Variants in MAN1A2 observed in about 807,000 individuals in gnomAD.
MAN1A2 encodes mannosidase alpha class 1A member 2.
MAN1A2 carries 26 observed loss-of-function variants against 75.7 expected under a neutral mutation model. The ratio of observed to expected loss-of-function variants is 0.34; its 90% CI spans 0.25 to 0.48. The LOEUF is 0.48. Ranked by LOEUF, MAN1A2 falls within the 20% of genes least tolerant of loss-of-function variation. The pLI is 0.99. For missense variants in MAN1A2, 562 were observed against 775.5 expected, an observed-to-expected ratio of 0.72 and a Z score of 3.27; for synonymous variants, 247 against 264.6, an observed-to-expected ratio of 0.93 and a Z score of 0.65.
chr1:117,457,792 C>T (rs1434039295), intron 6 of MAN1A2, among the ~76,000 whole-genome samples: 3 of 152,098 alleles, frequency 2.0e-5, no homozygotes, highest in African/African-American at 7.2e-5. Flanking sequence ...TTCCATCACA[C>T]TTAAAGACTA....
At chr1:117,417,733 C>CT (rs1298064055) in intron 4 of MAN1A2, among the ~76,000 whole-genome samples, 1 of 149,718 alleles carries the variant, frequency 6.7e-6, no homozygotes, top group African/African-American at 2.5e-5. Flanking sequence ...CTCTCTCTCT[C>CT]ATCAAAGTAT....
rs34355735 is a variant in MAN1A2 at position 117,466,336 on chromosome 1, T to G, written c.1077T>G (p.Val359=). 2,626 of 1,595,296 alleles carry G rather than the reference T, an allele frequency of 1.6e-3. 34 individuals carry two copies. In the African/African-American group the frequency reaches 0.024, roughly 15 times the overall value. The change falls in exon 8 of 13, where the codon GTT becomes GTG. Residue 359 remains valine, a splice_region_variant and synonymous_variant. Coordinates refer to ENST00000356554, the MANE Select transcript of MAN1A2 (RefSeq NM_006699.5). Reference sequence around the variant, plus strand: ...ATTCTTAATTTTATTTTACTCAGGTTATGCACATTCGGAAACTACTTCAGA... The same window carrying G: ...ATTCTTAATTTTATTTTACTCAGGTGATGCACATTCGGAAACTACTTCAGA... The part of the protein sequence containing the change: ...LTGDLTYYKK[V]MHIRKLLQKM...
intron 12 of MAN1A2, 84 bp downstream of exon 12, chr1:117,503,054 C>A: frequency 1.6e-6 from 1 of 643,460 alleles, no homozygotes; most frequent in Non-Finnish European, 2.6e-6. Context: ...AACTATGTGA[C>A]AGGTTACACT....
At chr1:117,466,676 G>A (rs999444403) in intron 8 of MAN1A2, among the ~76,000 whole-genome samples, 15 of 152,042 alleles carry the variant, frequency 9.9e-5, no homozygotes, top group Admixed American at 5.2e-4. Flanking sequence ...ATATAGTGTG[G>A]CAGTTTGAAG....
Position 117,381,552 on chromosome 1 carries a change from A to G in MAN1A2, c.302+13067A>G, listed in dbSNP as rs372242615. ...ATGGCTGCATAGTATTCCATGGTGTATATGTGCCACATTTTCTTAATCCAG... is the reference window on the plus strand; with the variant it reads ...ATGGCTGCATAGTATTCCATGGTGTGTATGTGCCACATTTTCTTAATCCAG... On this transcript the variant is annotated intron_variant, in intron 1 of 12. Transcript: ENST00000356554. Among the ~76,000 whole-genome samples the G allele has an allele frequency of 3.4e-4, 51 of 152,194 alleles. 1 individual carries two copies. The South Asian group carries it at 8.9e-3, about 27-fold the overall frequency.
intron 1 of MAN1A2, among the ~76,000 whole-genome samples, chr1:117,376,075 C>CTATTTTTTG (rs1653128749): frequency 6.6e-6 from 1 of 152,062 alleles, no homozygotes. Context: ...CCACGCCCGG[C>CTATTTTTTG]TATTTTTTGT....
At chr1:117,394,433 G>A (rs989092033) in intron 1 of MAN1A2, among the ~76,000 whole-genome samples, 7 of 152,170 alleles carry the variant, frequency 4.6e-5, no homozygotes, top group African/African-American at 1.4e-4. Context: ...CAATCAAATT[G>A]AAGCCGTGAT....
chr1:117,442,592 C>T (rs1163612183), intron 6 of MAN1A2, among the ~76,000 whole-genome samples: 1 of 152,078 alleles, frequency 6.6e-6, no homozygotes, highest in Non-Finnish European at 1.5e-5. Flanking sequence ...ATTTCTCTTC[C>T]TCACCTGTAT....
intron 8 of MAN1A2, among the ~76,000 whole-genome samples, chr1:117,486,960 G>A (rs1022763298): frequency 1.3e-5 from 2 of 152,030 alleles, no homozygotes; most frequent in African/African-American, 2.4e-5. Flanking sequence ...AAACCTTGGA[G>A]AAGAGAGCTG....
In MAN1A2 at chr1:117,368,210, C is replaced by T. The variant is rs906877774; in HGVS notation, c.27C>T (p.Leu9=). The change falls in exon 1 of 13, where the codon CTC becomes CTT. Residue 9 remains leucine, a synonymous_variant. Transcript: ENST00000356554. ...TGACTACCCCAGCCCTGCTGCCCCT[C>T]TCTGGACGTAGGATACCACCTCTGA... MTTPALLP[L]SGRRIPPLNL... 3 of 1,613,730 alleles carry T rather than the reference C, an allele frequency of 1.9e-6. No individual in the cohort carries two copies. The highest frequency in any genetic ancestry group is 2.5e-6 in the Non-Finnish European group (3 of 1,179,870).
At chr1:117,434,474 G>A (rs956079273) in intron 5 of MAN1A2, among the ~76,000 whole-genome samples, 2 of 152,026 alleles carry the variant, frequency 1.3e-5, no homozygotes, top group Admixed American at 1.3e-4. Flanking sequence ...CTGACCCAGC[G>A]ACCCACTTCT....
chr1:117,382,025 A>T (rs1376511437), intron 1 of MAN1A2, among the ~76,000 whole-genome samples: 3 of 151,326 alleles, frequency 2.0e-5, no homozygotes, highest in Non-Finnish European at 2.9e-5. Flanking sequence ...CCACTTTTTG[A>T]TGGGGTTGTT....
rs1651968529 is a variant in MAN1A2, at chr1:117,525,034, C to A, written c.*2077C>A. 4.2e-6 allele frequency: 2 copies of A among 479,702 alleles called. No homozygotes were observed. The highest frequency in any genetic ancestry group is 2.3e-5 in the Admixed American group (1 of 43,604). 29.7% of individuals were successfully genotyped at this position (479,702 alleles called of 1,614,324 possible). A position where few individuals can be genotyped will look rare whatever the true frequency, so the allele number is the denominator to read the frequency against. ...CAGATGGCAATGAACTCTCTGAATT[C>A]TCTTTTACCTTATTTAGAAGAATGC... On this transcript the variant is annotated 3_prime_UTR_variant, in exon 13 of 13. Transcript: ENST00000356554.
intron 5 of MAN1A2, among the ~76,000 whole-genome samples, chr1:117,421,935 C>T (rs964370701): frequency 1.2e-4 from 19 of 152,184 alleles, no homozygotes; most frequent in African/African-American, 3.6e-4. Flanking sequence ...CATTATCCTA[C>T]GTTGTTCATG....
intron 1 of MAN1A2, among the ~76,000 whole-genome samples, chr1:117,374,980 A>G (rs1026998714): frequency 1.3e-5 from 2 of 152,180 alleles, no homozygotes; most frequent in Non-Finnish European, 2.9e-5. Flanking sequence ...TACCGATTTA[A>G]AATGTGAAAA....
Position 117,368,304 on chromosome 1 carries a change from C to G in MAN1A2, c.121C>G (p.Leu41Val). 6.2e-7 allele frequency: 1 copy of G among 1,614,106 alleles called. No homozygotes were observed. Among genetic ancestry groups the G allele is most frequent in the Non-Finnish European group, 8.5e-7 (1 of 1,179,998 alleles). The change falls in exon 1 of 13, where the codon CTT (leucine) becomes GTT (valine). Residue 41 changes from leucine (L) to valine (V), a missense_variant. By Grantham distance (32) the Leu-to-Val change is conservative (BLOSUM62 1). This residue lies in a region of MAN1A2 where 128 missense variants were observed against 129.8 expected (regional missense o/e 0.99). Transcript: ENST00000356554. Reference protein sequence around the residue: ...LRLSEKFILLLILSAFITLCF... With the variant: ...LRLSEKFILLVILSAFITLCF... ...ACTTTCTGAGAAGTTTATTCTTCTC[C>G]TTATTCTTAGTGCCTTCATCACTCT...
intron 5 of MAN1A2, among the ~76,000 whole-genome samples, chr1:117,421,821 G>A (rs891928105): frequency 2.0e-5 from 3 of 151,920 alleles, no homozygotes; most frequent in African/African-American, 7.2e-5. Context: ...TGGCCAAGAG[G>A]TTATCAAACT....
chr1:117,510,858 C>T (rs925384455), intron 12 of MAN1A2, among the ~76,000 whole-genome samples: 1 of 151,956 alleles, frequency 6.6e-6, no homozygotes, highest in East Asian at 1.9e-4. Flanking sequence ...GTTTTGAGTG[C>T]CTGCCTGTAA....
At chr1:117,381,654 ATG>A (rs1351958822) in intron 1 of MAN1A2, among the ~76,000 whole-genome samples, 1 of 152,162 alleles carries the variant, frequency 6.6e-6, no homozygotes, top group Non-Finnish European at 1.5e-5. Flanking sequence ...ATATGTGTGC[ATG>A]TGTCTTTATA....
Sources: allele counts gnomAD v4.1 joint callset (sites outside exome capture counted in the v4.1 genomes callset), GRCh38; gene constraint gnomAD v4.1.1; regional missense constraint gnomAD v4.1.1; transcripts MANE v1.5; gene names NCBI Gene and HGNC (gene_info 2026-07-23, HGNC 2026-07-21).